GMDS: variants seen among roughly 807,000 people sequenced by gnomAD.
The protein encoded by GMDS is GDP-mannose 4,6-dehydratase.
In GMDS, 20 loss-of-function variants were observed where a neutral mutation model predicts 49.9. The ratio of observed to expected loss-of-function variants is 0.40; its 90% CI spans 0.28 to 0.58. The LOEUF is 0.58. GMDS is among the 20% of genes least tolerant of loss of function. The pLI is 0.42. For missense variants in GMDS, 362 were observed against 481.4 expected (o/e 0.75, Z 2.32); for synonymous variants, 177 against 178.6 (o/e 0.99, Z 0.07).
intron 4 of GMDS, among the ~76,000 whole-genome samples, chr6:2,021,388 T>C (rs1039463003): frequency 6.6e-6 from 1 of 152,104 alleles, no homozygotes; most frequent in Non-Finnish European, 1.5e-5. Context: ...GAGACACTAG[T>C]TGTAGTGGTC....
intron 4 of GMDS, among the ~76,000 whole-genome samples, chr6:2,087,225 T>C (rs917456682): frequency 3.3e-5 from 5 of 152,244 alleles, no homozygotes; most frequent in African/African-American, 1.2e-4. Context: ...TCATGATTCA[T>C]TTCTTGATTA....
intron 6 of GMDS, among the ~76,000 whole-genome samples, chr6:1,951,201 A>G (rs545111284): frequency 1.8e-4 from 28 of 152,284 alleles, no homozygotes; most frequent in African/African-American, 6.7e-4. Flanking sequence ...TTGACAAGTA[A>G]TTTTTACATG....
chr6:1,830,802 A>C (rs1322867375), intron 7 of GMDS, among the ~76,000 whole-genome samples: 1 of 152,222 alleles, frequency 6.6e-6, no homozygotes, highest in Non-Finnish European at 1.5e-5. Flanking sequence ...TAGTATACAC[A>C]CTATACTATA....
intron 8 of GMDS, among the ~76,000 whole-genome samples, chr6:1,730,313 G>C (rs1207740508): frequency 1.3e-5 from 2 of 152,228 alleles, no homozygotes; most frequent in African/African-American, 2.4e-5. Flanking sequence ...AGAGATGTGA[G>C]AAACCAAATT....
At chr6:1,978,939 T>C (rs9328077) in intron 4 of GMDS, among the ~76,000 whole-genome samples, 53,394 of 151,910 alleles carry the variant, frequency 0.35, 9,586 homozygotes, top group Middle Eastern at 0.45. Context: ...TCACTGGTGA[T>C]AGGTACTGGA....
chr6:1,774,500 C>T (rs1293612355), intron 7 of GMDS, among the ~76,000 whole-genome samples: 2 of 152,252 alleles, frequency 1.3e-5, no homozygotes, highest in Admixed American at 1.3e-4. Flanking sequence ...ATGAGGCAAT[C>T]TCTCACTGTG....
intron 7 of GMDS, among the ~76,000 whole-genome samples, chr6:1,756,479 T>A (rs1205354344): frequency 6.6e-6 from 1 of 152,080 alleles, no homozygotes; most frequent in South Asian, 2.1e-4. Flanking sequence ...ACCATGTTGG[T>A]CAGGCTGGTC....
At chr6:1,812,958 C>T (rs1326762563) in intron 7 of GMDS, among the ~76,000 whole-genome samples, 2 of 152,140 alleles carry the variant, frequency 1.3e-5, no homozygotes, top group African/African-American at 2.4e-5. Context: ...CATGGTGGCT[C>T]ATGCCTGTAA....
At chr6:1,974,869 A>T (rs1764808505) in intron 4 of GMDS, among the ~76,000 whole-genome samples, 1 of 131,694 alleles carries the variant, frequency 7.6e-6, no homozygotes, top group Admixed American at 7.5e-5. Context: ...CGTCTCTATT[A>T]AAAAAAAAAG....
At chr6:2,186,847 A>G (rs999334119) in intron 1 of GMDS, among the ~76,000 whole-genome samples, 3 of 152,238 alleles carry the variant, frequency 2.0e-5, no homozygotes, top group African/African-American at 7.2e-5. Flanking sequence ...GATTTGCCAC[A>G]TTGCACAAAT....
At chr6:2,104,129 G>A (rs962292274) in intron 4 of GMDS, among the ~76,000 whole-genome samples, 2 of 152,172 alleles carry the variant, frequency 1.3e-5, no homozygotes, top group Non-Finnish European at 2.9e-5. Flanking sequence ...ACTTGTGCGT[G>A]GTTTCTCTTT....
intron 4 of GMDS, among the ~76,000 whole-genome samples, chr6:1,967,478 T>C (rs1375631020): frequency 6.6e-6 from 1 of 152,186 alleles, no homozygotes; most frequent in Non-Finnish European, 1.5e-5. Context: ...TAATTTAATA[T>C]TACTGAAATA....
intron 7 of GMDS, among the ~76,000 whole-genome samples, chr6:1,809,434 G>A (rs1344569376): frequency 3.3e-5 from 5 of 152,150 alleles, no homozygotes; most frequent in Non-Finnish European, 7.3e-5. Context: ...CAATAGCCTA[G>A]GCTCATAGCT....
chr6:1,944,845 C>T (rs1468127065), intron 6 of GMDS, among the ~76,000 whole-genome samples: 2 of 152,274 alleles, frequency 1.3e-5, no homozygotes, highest in East Asian at 1.9e-4. Flanking sequence ...TAAAATGATG[C>T]AATCATGTCT....
intron 4 of GMDS, among the ~76,000 whole-genome samples, chr6:2,002,025 C>T (rs944661684): frequency 2.6e-5 from 4 of 152,064 alleles, no homozygotes; most frequent in African/African-American, 9.7e-5. Flanking sequence ...GAATTATACT[C>T]TCAGATGGTT....
At position 1,862,634 on chromosome 6, in the gene GMDS, C is replaced by A. The variant is rs557180414; in HGVS notation, c.771+67469G>T. ...GTACTGATTAGTCTTTGCCAAAGAACCTTTCCCAGCTGCATTCAGCAATAT... is the reference window on the plus strand; with the variant it reads ...GTACTGATTAGTCTTTGCCAAAGAAACTTTCCCAGCTGCATTCAGCAATAT... On this transcript the variant is annotated intron_variant, in intron 7 of 10. Coordinates refer to ENST00000380815, the MANE Select transcript of GMDS (RefSeq NM_001500.4). Among the ~76,000 whole-genome samples, 5 of 152,336 alleles carry A rather than the reference C, an allele frequency of 3.3e-5. No individual in the cohort carries two copies. The South Asian group carries it at 8.3e-4, about 25-fold the overall frequency.
chr6:2,077,840 A>C (rs1772437168), intron 4 of GMDS, among the ~76,000 whole-genome samples: 1 of 152,080 alleles, frequency 6.6e-6, no homozygotes, highest in African/African-American at 2.4e-5. Flanking sequence ...TTTTTGGAAT[A>C]GTTTCAAGAG....
Position 1,708,717 on chromosome 6 carries a change from C to T in GMDS, c.987+17699G>A, listed in dbSNP as rs80224814. Among the ~76,000 whole-genome samples the T allele has an allele frequency of 7.4e-3, 1,128 of 152,336 alleles. 15 individuals are homozygous for T. Among genetic ancestry groups the T allele is most frequent in the African/African-American group, 0.025 (1,060 of 41,572 alleles). ...GGCACATGAAAGAAAGGCCAGTGAG[C>T]GCCGGGGGCCTCTGGGCCTGGCTGG... On this transcript the variant is annotated intron_variant, in intron 9 of 10. Coordinates refer to ENST00000380815, the MANE Select transcript of GMDS (RefSeq NM_001500.4).
At chr6:2,091,861 A>C (rs9501803) in intron 4 of GMDS, among the ~76,000 whole-genome samples, 2,208 of 151,954 alleles carry the variant, frequency 0.015, 50 homozygotes, top group African/African-American at 0.05. Context: ...GCACCACTGC[A>C]CTCCAACCTG....
Sources: gnomAD v4.1 joint callset for allele counts (sites outside exome capture counted in the v4.1 genomes callset) on GRCh38, gnomAD v4.1.1 for gene constraint, MANE v1.5 for transcripts, NCBI Gene and HGNC (gene_info 2026-07-23, HGNC 2026-07-21) for gene names.